Variants in EPB41L2 observed in about 807,000 individuals in gnomAD.
EPB41L2 encodes the protein band 4.1-like protein 2.
EPB41L2 carries 43 observed loss-of-function variants against 113.0 expected under a neutral mutation model. The ratio of observed to expected loss-of-function variants is 0.38; its 90% CI spans 0.30 to 0.49. EPB41L2 has a LOEUF of 0.49. EPB41L2 is among the 20% of genes least tolerant of loss of function. EPB41L2 has a pLI of 0.95. For missense variants in EPB41L2, 1,147 were observed against 1,223.4 expected (o/e 0.94, Z 0.93); for synonymous variants, 442 against 436.7 (o/e 1.01, Z -0.15).
chr6:130,887,848 C>G (rs1791543773), intron 11 of EPB41L2, among the ~76,000 whole-genome samples: 1 of 152,096 alleles, frequency 6.6e-6, no homozygotes, highest in Admixed American at 6.6e-5. Context: ...CCCCCAAATG[C>G]ATCTTGGTTG....
intron 19 of EPB41L2, among the ~76,000 whole-genome samples, chr6:130,842,579 TAC>T (rs1378743670): frequency 6.6e-6 from 1 of 152,162 alleles, no homozygotes; most frequent in Non-Finnish European, 1.5e-5. Flanking sequence ...CCTGAAAACC[TAC>T]AGAGAGAACA....
chr6:130,856,905 T>C (rs965768582), intron 19 of EPB41L2, among the ~76,000 whole-genome samples: 1 of 152,178 alleles, frequency 6.6e-6, no homozygotes, highest in African/African-American at 2.4e-5. Context: ...TTTTGGCTAA[T>C]ACTAGCAAAT....
intron 1 of EPB41L2, among the ~76,000 whole-genome samples, chr6:131,030,776 A>C (rs986896551): frequency 6.6e-6 from 1 of 152,112 alleles, no homozygotes; most frequent in Non-Finnish European, 1.5e-5. Context: ...CTGATGTATT[A>C]AATAGTGTAT....
At chr6:130,972,940 A>G (rs902504241) in intron 1 of EPB41L2, among the ~76,000 whole-genome samples, 3 of 31,670 alleles carry the variant, frequency 9.5e-5, no homozygotes, top group South Asian at 1.6e-3. Context: ...AAAGATACAA[A>G]AAAAAAAAAA....
chr6:130,895,087 C>A lies in EPB41L2; in HGVS notation c.1269G>T (p.Val423=), dbSNP rs201464796. Residue 423 remains valine, a synonymous_variant, in exon 9 of 20, where the codon GTG becomes GTT. Transcript: ENST00000337057. The part of the protein sequence containing the change: ...DSEGVDIKLG[V]CANGLLIYKD... ...TGTAAATGAGAAGTCCATTAGCACACACGCCCAGCTTGATGTCCACACCTT... is the reference window on the plus strand; with the variant it reads ...TGTAAATGAGAAGTCCATTAGCACAAACGCCCAGCTTGATGTCCACACCTT... The A allele has an allele frequency of 2.5e-6, 4 of 1,612,844 alleles. No individual in the cohort carries two copies. The highest frequency in any genetic ancestry group is 2.5e-6 in the Non-Finnish European group (3 of 1,179,236).
intron 3 of EPB41L2, 131 bp downstream of exon 3, chr6:130,954,974 C>T: frequency 1.3e-6 from 1 of 779,160 alleles, no homozygotes; most frequent in Non-Finnish European, 2.2e-6. Context: ...TGACCCACTT[C>T]AATGTATTTT....
rs58948562 is a variant in EPB41L2 at position 131,034,488 on chromosome 6, C to T, written c.-15+28667G>A. 2.5e-3 allele frequency among the ~76,000 whole-genome samples: 374 copies of T among 152,118 alleles called. 3 individuals carry two copies. The highest frequency in any genetic ancestry group is 8.5e-3 in the African/African-American group (353 of 41,496). On this transcript the variant is annotated intron_variant, in intron 1 of 19. Coordinates refer to ENST00000337057, the MANE Select transcript of EPB41L2 (RefSeq NM_001431.4). ...CCGGGGCTACAGTGAGCCAAGATGG[C>T]GCCACTCCACTCCAGCCTGGGCAAC...
intron 1 of EPB41L2, among the ~76,000 whole-genome samples, chr6:130,983,919 A>G (rs1779941791): frequency 6.6e-6 from 1 of 152,122 alleles, no homozygotes; most frequent in East Asian, 1.9e-4. Flanking sequence ...CTGTCTTTTT[A>G]CTTTATAAAC....
intron 1 of EPB41L2, among the ~76,000 whole-genome samples, chr6:131,008,840 T>A (rs1436822752): frequency 6.6e-6 from 1 of 152,214 alleles, no homozygotes; most frequent in Non-Finnish European, 1.5e-5. Context: ...TTTCTCCCGT[T>A]TGGAATGGTA....
Position 130,848,944 on chromosome 6 carries a change from C to T in EPB41L2, c.*6-8346G>A, listed in dbSNP as rs1009145779. Among the ~76,000 whole-genome samples, 12 of 152,152 alleles carry T rather than the reference C, an allele frequency of 7.9e-5. 1 individual carries two copies. The highest frequency in any genetic ancestry group is 2.9e-4 in the African/African-American group (12 of 41,426). On this transcript the variant is annotated intron_variant, in intron 19 of 19. Coordinates refer to ENST00000337057, the MANE Select transcript of EPB41L2 (RefSeq NM_001431.4). ...CTTATAAAGAAGGTTAGAGGAGAGA[C>T]ACGAAGATGCTCTACAGGCAGTTTA...
At chr6:130,906,411 T>G (rs961477742) in intron 5 of EPB41L2, among the ~76,000 whole-genome samples, 16 of 152,204 alleles carry the variant, frequency 1.1e-4, no homozygotes, top group Non-Finnish European at 1.6e-4. Flanking sequence ...TAAATTGACC[T>G]AATTAACATA....
At chr6:130,967,761 G>A (rs928045119) in intron 1 of EPB41L2, among the ~76,000 whole-genome samples, 1 of 152,192 alleles carries the variant, frequency 6.6e-6, no homozygotes, top group Non-Finnish European at 1.5e-5. Flanking sequence ...TATGAAGAGG[G>A]TAAAGCTTTT....
intron 3 of EPB41L2, among the ~76,000 whole-genome samples, chr6:130,934,812 T>G (rs866027732): frequency 7.1e-6 from 1 of 140,496 alleles, no homozygotes; most frequent in South Asian, 2.3e-4. Flanking sequence ...TTTTTTTTTT[T>G]GTAACTGAAA....
chr6:130,892,403 C>CTTTTTTTTTTTTTTTTTTTTGTTTTTTTT, intron 10 of EPB41L2, among the ~76,000 whole-genome samples: 1 of 92,632 alleles, frequency 1.1e-5, no homozygotes, highest in Middle Eastern at 5.8e-3. Context: ...CAGATTATTG[C>CTTTTTTTTTTTTTTTTTTTTGTTTTTTTT]TTTTTTTTTT....
chr6:130,894,902 AT>A lies in EPB41L2; in HGVS notation c.1389+64del, dbSNP rs879067256. 67 of 1,448,050 alleles carry A rather than the reference AT, an allele frequency of 4.6e-5. No homozygotes were observed. The South Asian group carries it at 9.8e-4, about 21-fold the overall frequency. The allele number at this position is 1,448,050 out of a possible 1,614,324, so 89.7% of individuals were successfully genotyped here. A position where few individuals can be genotyped will look rare whatever the true frequency, so the allele number is the denominator to read the frequency against. ...AAAATTTTAGAATTAATAGAAAAGAATTTTTAAATTCATGGTCGTAAACAGG... is the reference window on the plus strand; with the variant it reads ...AAAATTTTAGAATTAATAGAAAAGAATTTTAAATTCATGGTCGTAAACAGG... On this transcript the variant is annotated intron_variant, in intron 9 of 19. Coordinates refer to ENST00000337057, the MANE Select transcript of EPB41L2 (RefSeq NM_001431.4).
chr6:130,961,339 T>C (rs897564530), intron 1 of EPB41L2, among the ~76,000 whole-genome samples: 6 of 152,152 alleles, frequency 3.9e-5, no homozygotes, highest in African/African-American at 1.4e-4. Flanking sequence ...GACAGCTTCA[T>C]GAGAAAAAGC....
chr6:130,944,830 C>T (rs578082330), intron 3 of EPB41L2, among the ~76,000 whole-genome samples: 3 of 152,160 alleles, frequency 2.0e-5, no homozygotes, highest in East Asian at 1.9e-4. Context: ...GGAGGGGGGC[C>T]GAGGTCCAGC....
At chr6:130,852,865 T>A (rs1052649980) in intron 19 of EPB41L2, among the ~76,000 whole-genome samples, 1 of 152,178 alleles carries the variant, frequency 6.6e-6, no homozygotes, top group African/African-American at 2.4e-5. Flanking sequence ...AGCATCAGGT[T>A]CAATGCTTCC....
chr6:130,847,177 T>C (rs1367591929), intron 19 of EPB41L2, among the ~76,000 whole-genome samples: 1 of 152,228 alleles, frequency 6.6e-6, no homozygotes, highest in Admixed American at 6.5e-5. Context: ...TGTTTTCCCA[T>C]GTGCTCTTTC....
Sources: allele counts gnomAD v4.1 joint callset (sites outside exome capture counted in the v4.1 genomes callset), GRCh38; gene constraint gnomAD v4.1.1; transcripts MANE v1.5; gene names NCBI Gene and HGNC (gene_info 2026-07-23, HGNC 2026-07-21).